The following ALMS1 variants were observed in gnomAD, a reference collection of about 807,000 sequenced individuals.
ALMS1 encodes the protein centrosome-associated protein ALMS1.
In ALMS1, 271 loss-of-function variants were observed where a neutral mutation model predicts 352.2. That is an observed-to-expected ratio of 0.77 (90% CI 0.70 to 0.85). The LOEUF is 0.85. ALMS1 is among the 40% of genes least tolerant of loss of function. The pLI is 0.00. For missense variants in ALMS1, 5,445 were observed against 4,870.7 expected (o/e 1.12, Z -3.51); for synonymous variants, 1,865 against 1,761.2 (o/e 1.06, Z -1.48).
intron 7 of ALMS1, among the ~76,000 whole-genome samples, chr2:73,433,998 G>A (rs1208068237): frequency 3.3e-5 from 5 of 151,514 alleles, no homozygotes; most frequent in African/African-American, 1.2e-4. Context: ...CCCTTCTTTT[G>A]TTCTCCCTTT....
chr2:73,447,555 G>A (rs959503206), intron 7 of ALMS1, among the ~76,000 whole-genome samples: 3 of 152,086 alleles, frequency 2.0e-5, no homozygotes, highest in Non-Finnish European at 2.9e-5. Flanking sequence ...CTGTACCAGG[G>A]ATCATGAAGT....
chr2:73,467,617 A>T (rs1161433462), intron 9 of ALMS1, among the ~76,000 whole-genome samples: 2 of 152,072 alleles, frequency 1.3e-5, no homozygotes, highest in African/African-American at 4.8e-5. Flanking sequence ...GTACTCAAGA[A>T]CTATCAGTAC....
At chr2:73,462,219 A>G (rs926479225) in intron 9 of ALMS1, among the ~76,000 whole-genome samples, 96 of 152,308 alleles carry the variant, frequency 6.3e-4, no homozygotes, top group African/African-American at 2.3e-3. Flanking sequence ...AGGTCGGATT[A>G]CCCACAAAGG....
intron 12 of ALMS1, among the ~76,000 whole-genome samples, chr2:73,538,370 A>G (rs191716191): frequency 4.9e-4 from 74 of 152,284 alleles, no homozygotes; most frequent in Non-Finnish European, 5.9e-5. Flanking sequence ...CTTCACACCC[A>G]TTACAATCAC....
intron 1 of ALMS1, among the ~76,000 whole-genome samples, chr2:73,390,079 A>C (rs1343212720): frequency 6.6e-6 from 1 of 152,162 alleles, no homozygotes; most frequent in Admixed American, 6.5e-5. Context: ...TTCCCCTGAG[A>C]AAAATTAGAT....
intron 1 of ALMS1, among the ~76,000 whole-genome samples, chr2:73,395,046 A>G (rs1394079689): frequency 0.017 from 1,942 of 111,506 alleles, 65 homozygotes; most frequent in African/African-American, 0.062. Flanking sequence ...ATGTGTGTGT[A>G]TATATATATA....
intron 1 of ALMS1, among the ~76,000 whole-genome samples, chr2:73,407,410 A>G (rs1011637606): frequency 2.0e-5 from 3 of 152,238 alleles, no homozygotes; most frequent in African/African-American, 7.2e-5. Flanking sequence ...TAGAGGGGAC[A>G]GATACTCAAA....
intron 7 of ALMS1, among the ~76,000 whole-genome samples, chr2:73,438,445 C>G (rs1037149256): frequency 5.3e-5 from 8 of 152,120 alleles, no homozygotes; most frequent in Admixed American, 4.6e-4. Context: ...AAGTTTGGAT[C>G]TGGATTATTG....
intron 19 of ALMS1, 40 bp downstream of exon 19, chr2:73,601,476 GAGA>G (rs755189645): frequency 6.2e-7 from 1 of 1,606,432 alleles, no homozygotes; most frequent in Non-Finnish European, 8.5e-7. Context: ...TACGTGTAGG[GAGA>G]AGAAGGGCAA....
chr2:73,494,460 T>C (rs533359388), intron 10 of ALMS1, among the ~76,000 whole-genome samples: 5 of 152,358 alleles, frequency 3.3e-5, no homozygotes, highest in African/African-American at 1.2e-4. Flanking sequence ...TAGTCTAACA[T>C]TGATTTCACC....
chr2:73,481,923 A>AT (rs1373442411), intron 9 of ALMS1, among the ~76,000 whole-genome samples: 1 of 151,628 alleles, frequency 6.6e-6, no homozygotes, highest in Admixed American at 6.6e-5. Context: ...TTGTACATTG[A>AT]TTTTGTATCC....
chr2:73,424,755 A>G lies in ALMS1; in HGVS notation c.1090A>G (p.Lys364Glu), dbSNP rs1439283988. The G allele has an allele frequency of 2.5e-6, 4 of 1,613,874 alleles. No individual in the cohort carries two copies. Among genetic ancestry groups the G allele is most frequent in the Non-Finnish European group, 3.4e-6 (4 of 1,179,902 alleles). The part of the protein sequence containing the change: ...TQWPENNLAD[K>E]DQVSVATSFD... ...GTGGCCTGAAAACAATTTAGCTGAT[A>G]AAGATCAAGTTTCAGTTGCAACTTC... The change falls in exon 5 of 23, where the codon AAA (lysine) becomes GAA (glutamate). Residue 364 changes from lysine (K) to glutamate (E), a missense_variant. By Grantham distance (56) the Lys-to-Glu change is moderately conservative (BLOSUM62 1). Coordinates refer to ENST00000613296, the MANE Select transcript of ALMS1 (RefSeq NM_001378454.1).
At chr2:73,432,325 T>G (rs1279809160) in intron 7 of ALMS1, 34 bp downstream of exon 7, 1 of 1,484,806 alleles carries the variant, frequency 6.7e-7, no homozygotes, top group African/African-American at 1.4e-5. Context: ...AATGTCCTAC[T>G]TACGGATACC....
intron 15 of ALMS1, among the ~76,000 whole-genome samples, chr2:73,560,768 A>G (rs1160964533): frequency 6.6e-6 from 1 of 152,224 alleles, no homozygotes; most frequent in Non-Finnish European, 1.5e-5. Context: ...CACATACTAC[A>G]AGGTAGGTGA....
chr2:73,542,320 C>A (rs559119932), intron 12 of ALMS1, among the ~76,000 whole-genome samples: 7 of 152,124 alleles, frequency 4.6e-5, no homozygotes, highest in South Asian at 4.1e-4. Flanking sequence ...ATTCAACAAC[C>A]CTTCATGCTA....
intron 21 of ALMS1, among the ~76,000 whole-genome samples, chr2:73,607,499 C>G (rs541948829): frequency 2.0e-5 from 3 of 152,240 alleles, no homozygotes. Flanking sequence ...CCCTCACCCC[C>G]ATCTGTTTCC....
chr2:73,576,074 C>T (rs868680642), intron 16 of ALMS1, among the ~76,000 whole-genome samples: 1 of 152,086 alleles, frequency 6.6e-6, no homozygotes, highest in African/African-American at 2.4e-5. Context: ...GTTGAAAAGA[C>T]TTTTTTTCCC....
At chr2:73,505,831 A>G (rs1383905262) in intron 10 of ALMS1, among the ~76,000 whole-genome samples, 1 of 152,110 alleles carries the variant, frequency 6.6e-6, no homozygotes, top group Non-Finnish European at 1.5e-5. Flanking sequence ...TTTTGTTGCC[A>G]TTGCTTTTGG....
intron 15 of ALMS1, among the ~76,000 whole-genome samples, chr2:73,562,758 A>T (rs1307562099): frequency 6.6e-6 from 1 of 151,938 alleles, no homozygotes; most frequent in Non-Finnish European, 1.5e-5. Flanking sequence ...ATGGTGGTGC[A>T]TGCCTGTAAT....
Sources: allele counts gnomAD v4.1 joint callset (sites outside exome capture counted in the v4.1 genomes callset), GRCh38; gene constraint gnomAD v4.1.1; transcripts MANE v1.5; gene names NCBI Gene and HGNC (gene_info 2026-07-23, HGNC 2026-07-21).